Variants in ZNF423 observed in about 807,000 individuals in gnomAD.
ZNF423 encodes the protein Ebf-associated zinc finger protein.
In ZNF423, 12 loss-of-function variants were observed where a neutral mutation model predicts 95.8. The observed-to-expected ratio is 0.13, with a 90% CI of 0.08 to 0.20. The LOEUF is 0.20. Among genes scored for constraint, ZNF423 ranks in the 10% least tolerant of loss-of-function variants. The pLI, the probability that ZNF423 is intolerant of heterozygous loss-of-function variation, is 1.00. For synonymous variants in ZNF423, 749 were observed against 711.9 expected, an observed-to-expected ratio of 1.05 and a Z score of -0.83; for missense variants, 1,316 against 1,737.1, an observed-to-expected ratio of 0.76 and a Z score of 4.31.
At chr16:49,685,330 T>G (rs1426365711) in intron 3 of ZNF423, among the ~76,000 whole-genome samples, 1 of 152,158 alleles carries the variant, frequency 6.6e-6, no homozygotes, top group Non-Finnish European at 1.5e-5. Context: ...AGGCATGGAC[T>G]AGGTGGGCTC....
At chr16:49,550,167 C>A (rs1402281058) in intron 5 of ZNF423, among the ~76,000 whole-genome samples, 1 of 152,174 alleles carries the variant, frequency 6.6e-6, no homozygotes, top group Non-Finnish European at 1.5e-5. Context: ...TGAGCCCAGC[C>A]TCAAATTGTT....
chr16:49,568,241 G>A (rs928827591), intron 5 of ZNF423, among the ~76,000 whole-genome samples: 12 of 152,184 alleles, frequency 7.9e-5, no homozygotes, highest in African/African-American at 1.4e-4. Flanking sequence ...GGACTCTCCT[G>A]TCATGGAACA....
At chr16:49,511,880 C>T (rs1967912709) in intron 7 of ZNF423, among the ~76,000 whole-genome samples, 1 of 152,210 alleles carries the variant, frequency 6.6e-6, no homozygotes, top group African/African-American at 2.4e-5. Flanking sequence ...GCTCGTAACA[C>T]AGTAACTTAC....
chr16:49,672,926 G>A (rs371204700), intron 3 of ZNF423, among the ~76,000 whole-genome samples: 5 of 152,176 alleles, frequency 3.3e-5, no homozygotes, highest in East Asian at 3.9e-4. Context: ...CCCACCACGC[G>A]GTGTGATCTA....
At chr16:49,805,241 C>T (rs2034644057) in intron 1 of ZNF423, among the ~76,000 whole-genome samples, 1 of 152,128 alleles carries the variant, frequency 6.6e-6, no homozygotes, top group African/African-American at 2.4e-5. Context: ...CTCTTTCTCC[C>T]ACCTTCCAGT....
At chr16:49,617,554 C>T (rs761499233) in intron 5 of ZNF423, among the ~76,000 whole-genome samples, 1 of 152,196 alleles carries the variant, frequency 6.6e-6, no homozygotes, top group African/African-American at 2.4e-5. Flanking sequence ...CCAGTGCCAG[C>T]CCCTCCAGGA....
chr16:49,590,429 A>T (rs1970978590), intron 5 of ZNF423, among the ~76,000 whole-genome samples: 1 of 152,098 alleles, frequency 6.6e-6, no homozygotes, highest in Non-Finnish European at 1.5e-5. Context: ...TTCGGGGGGC[A>T]AGGGTCTTCT....
At chr16:49,767,225 G>A (rs2033946447) in intron 2 of ZNF423, among the ~76,000 whole-genome samples, 1 of 151,876 alleles carries the variant, frequency 6.6e-6, no homozygotes, top group African/African-American at 2.4e-5. Context: ...CAAAGTGCGG[G>A]GCTTACAGGC....
chr16:49,506,409 G>A (rs1967642367), intron 7 of ZNF423, among the ~76,000 whole-genome samples: 5 of 152,070 alleles, frequency 3.3e-5, no homozygotes, highest in Admixed American at 3.3e-4. Flanking sequence ...GTGGGTGGAT[G>A]GGTGGATAGA....
intron 3 of ZNF423, among the ~76,000 whole-genome samples, chr16:49,646,568 C>CTTTTTTTTTTT (rs1194511671): frequency 1.7e-5 from 2 of 120,718 alleles, no homozygotes; most frequent in African/African-American, 3.1e-5. Context: ...ATTTTCTTTT[C>CTTTTTTTTTTT]TTTTTCTTTT....
At chr16:49,551,769 A>G in intron 5 of ZNF423, among the ~76,000 whole-genome samples, 1 of 152,208 alleles carries the variant, frequency 6.6e-6, no homozygotes, top group East Asian at 1.9e-4. Flanking sequence ...AAGGAGCTGG[A>G]AGGGACACCG....
intron 2 of ZNF423, among the ~76,000 whole-genome samples, chr16:49,761,737 A>C (rs912120622): frequency 1.3e-5 from 2 of 152,208 alleles, no homozygotes; most frequent in African/African-American, 4.8e-5. Context: ...AATTCTGAAT[A>C]CTATTGACCT....
chr16:49,498,873 T>C (rs1967268835), intron 7 of ZNF423, among the ~76,000 whole-genome samples: 1 of 152,106 alleles, frequency 6.6e-6, no homozygotes, highest in Non-Finnish European at 1.5e-5. Context: ...TGTTCGCTAG[T>C]TTGCACTTCT....
intron 1 of ZNF423, among the ~76,000 whole-genome samples, chr16:49,835,340 A>G (rs1457374433): frequency 1.3e-5 from 2 of 152,188 alleles, no homozygotes; most frequent in African/African-American, 4.8e-5. Context: ...GCCCAGACTC[A>G]GCAGGACTGT....
chr16:49,503,703 A>G (rs1361944367), intron 7 of ZNF423, among the ~76,000 whole-genome samples: 2 of 152,134 alleles, frequency 1.3e-5, no homozygotes, highest in Admixed American at 6.5e-5. Context: ...ACCATGGCCA[A>G]CTGCCCCTCA....
intron 5 of ZNF423, among the ~76,000 whole-genome samples, chr16:49,555,533 G>GT (rs1969790616): frequency 6.6e-6 from 1 of 152,238 alleles, no homozygotes; most frequent in South Asian, 2.1e-4. Flanking sequence ...CATAATGCTA[G>GT]TAAGTGTTGA....
chr16:49,773,104 A>G (rs1227283645), intron 2 of ZNF423, among the ~76,000 whole-genome samples: 2 of 152,202 alleles, frequency 1.3e-5, no homozygotes, highest in Non-Finnish European at 2.9e-5. Context: ...GGATCACCTG[A>G]GGTCAGGAGT....
intron 3 of ZNF423, among the ~76,000 whole-genome samples, chr16:49,725,112 A>G (rs1244822155): frequency 1.3e-5 from 2 of 152,188 alleles, no homozygotes; most frequent in South Asian, 2.1e-4. Flanking sequence ...CAAAATGAGG[A>G]CGAATGGTAG....
chr16:49,602,573 G>A (rs1234248725), intron 5 of ZNF423, among the ~76,000 whole-genome samples: 2 of 152,118 alleles, frequency 1.3e-5, no homozygotes, highest in Admixed American at 1.3e-4. Context: ...TGTAAAACCC[G>A]GCAGCCCCAT....
Sources: gnomAD v4.1 joint callset for allele counts (sites outside exome capture counted in the v4.1 genomes callset) on GRCh38, gnomAD v4.1.1 for gene constraint, MANE v1.5 for transcripts, NCBI Gene and HGNC (gene_info 2026-07-23, HGNC 2026-07-21) for gene names.